PGM5: variants seen among roughly 807,000 people sequenced by gnomAD.
The protein encoded by PGM5 is phosphoglucomutase-like protein 5.
In PGM5, 23 loss-of-function variants were observed where a neutral mutation model predicts 59.2. That is an observed-to-expected ratio of 0.39 (90% CI 0.28 to 0.55). The LOEUF (loss-of-function observed/expected upper bound fraction) is 0.55, where lower values mean the gene tolerates loss of function less well. PGM5 is among the 20% of genes least tolerant of loss of function. The probability of loss-of-function intolerance (pLI) is 0.66; values close to 1 mark genes in which losing one functional copy is unlikely to be tolerated. For missense variants in PGM5, 574 were observed against 748.3 expected, an observed-to-expected ratio of 0.77 and a Z score of 2.72; for synonymous variants, 214 against 286.0, an observed-to-expected ratio of 0.75 and a Z score of 2.54.
intron 6 of PGM5, among the ~76,000 whole-genome samples, chr9:68,435,279 C>G (rs1823426859): frequency 6.6e-6 from 1 of 152,190 alleles, no homozygotes; most frequent in South Asian, 2.1e-4. Context: ...ATAATTCACA[C>G]ACCATACAGT....
In PGM5 at chr9:68,398,850, G is replaced by C. The variant is rs549210966; in HGVS notation, c.1043+6377G>C. 2.2e-4 allele frequency among the ~76,000 whole-genome samples: 33 copies of C among 152,208 alleles called. 1 individual carries two copies. The East Asian group carries it at 6.0e-3, about 28-fold the overall frequency. ...CCCTCTTTTTTGGACCTCAGGCATA[G>C]AGAGTTGAGTTAATCATACTCATCG... On this transcript the variant is annotated intron_variant, in intron 6 of 10. Coordinates refer to ENST00000396396, the MANE Select transcript of PGM5 (RefSeq NM_021965.4).
At chr9:68,495,871 G>A (rs558484015) in intron 9 of PGM5, among the ~76,000 whole-genome samples, 5 of 152,318 alleles carry the variant, frequency 3.3e-5, no homozygotes, top group East Asian at 3.9e-4. Context: ...TGTGAATAAT[G>A]TAATGCCTTA....
intron 6 of PGM5, among the ~76,000 whole-genome samples, chr9:68,402,654 A>G: frequency 6.6e-6 from 1 of 152,218 alleles, no homozygotes; most frequent in African/African-American, 2.4e-5. Flanking sequence ...TATAAAAGAT[A>G]TAAGGAAGGT....
intron 6 of PGM5, among the ~76,000 whole-genome samples, chr9:68,408,566 C>T (rs1449705850): frequency 6.6e-6 from 1 of 152,194 alleles, no homozygotes; most frequent in Non-Finnish European, 1.5e-5. Context: ...TGTGCAGAAG[C>T]TCTTTAGTTG....
chr9:68,492,619 G>C (rs535866446), intron 9 of PGM5, among the ~76,000 whole-genome samples: 2 of 152,186 alleles, frequency 1.3e-5, no homozygotes, highest in Non-Finnish European at 2.9e-5. Context: ...CAAGCCAGCC[G>C]AAGGAAGGAT....
intron 9 of PGM5, among the ~76,000 whole-genome samples, chr9:68,491,796 G>T (rs1824395513): frequency 6.6e-6 from 1 of 152,180 alleles, no homozygotes; most frequent in Non-Finnish European, 1.5e-5. Context: ...GAGTCCAGGA[G>T]TCCAAGATCA....
At chr9:68,489,377 C>A (rs568392585) in intron 9 of PGM5, among the ~76,000 whole-genome samples, 14 of 152,150 alleles carry the variant, frequency 9.2e-5, no homozygotes, top group Non-Finnish European at 1.6e-4. Context: ...ACTTCAGGAG[C>A]AAAATTTAAG....
chr9:68,516,636 G>C (rs2132116326), intron 10 of PGM5, among the ~76,000 whole-genome samples: 1 of 152,302 alleles, frequency 6.6e-6, no homozygotes, highest in Middle Eastern at 3.4e-3. Context: ...TGAGGTCCCT[G>C]CCTGGGCCTT....
chr9:68,359,767 G>A (rs573819133), intron 1 of PGM5, among the ~76,000 whole-genome samples: 7 of 152,306 alleles, frequency 4.6e-5, no homozygotes, highest in African/African-American at 1.4e-4. Flanking sequence ...TAACCAGTGG[G>A]CTGCATTCTC....
intron 6 of PGM5, among the ~76,000 whole-genome samples, chr9:68,403,303 T>G (rs1822716193): frequency 6.6e-6 from 1 of 152,172 alleles, no homozygotes; most frequent in Non-Finnish European, 1.5e-5. Flanking sequence ...CCATCTAGTT[T>G]CAGGAAAACA....
chr9:68,411,036 A>T (rs1218871481), intron 6 of PGM5, among the ~76,000 whole-genome samples: 1 of 152,182 alleles, frequency 6.6e-6, no homozygotes, highest in African/African-American at 2.4e-5. Flanking sequence ...TATGGCAGAA[A>T]AAAGACTGCC....
At chr9:68,453,239 G>C (rs542998538) in intron 6 of PGM5, among the ~76,000 whole-genome samples, 47 of 152,224 alleles carry the variant, frequency 3.1e-4, no homozygotes, top group African/African-American at 1.1e-3. Context: ...CACTGGACTT[G>C]GTAAATTAAC....
At chr9:68,496,070 G>T (rs1824477994) in intron 9 of PGM5, among the ~76,000 whole-genome samples, 1 of 152,016 alleles carries the variant, frequency 6.6e-6, no homozygotes, top group Non-Finnish European at 1.5e-5. Context: ...TAGGTGGCAG[G>T]TCAACTTCTT....
Position 68,480,704 on chromosome 9 carries a change from AAAAAACAAAAC to A in PGM5, c.1295+1156_1295+1166del, listed in dbSNP as rs1402215582. Among the ~76,000 whole-genome samples, 5 of 152,060 alleles carry A rather than the reference AAAAAACAAAAC, an allele frequency of 3.3e-5. No homozygotes were observed. In the East Asian group the frequency reaches 9.6e-4, roughly 29 times the overall value. On this transcript the variant is annotated intron_variant, in intron 8 of 10. Coordinates refer to ENST00000396396, the MANE Select transcript of PGM5 (RefSeq NM_021965.4). ...ACAGAGTGAGACTCCATCTCAAAAA[AAAAAACAAAAC>A]AAAACAAAACAAAAAAACAGGGAAA...
At chr9:68,454,169 TA>T (rs1279653473) in intron 6 of PGM5, among the ~76,000 whole-genome samples, 2 of 152,156 alleles carry the variant, frequency 1.3e-5, no homozygotes, top group African/African-American at 4.8e-5. Context: ...TCTCTCCCTA[TA>T]GGATTTCCAT....
intron 9 of PGM5, among the ~76,000 whole-genome samples, chr9:68,494,552 A>G (rs1554688053): frequency 1.3e-5 from 2 of 152,220 alleles, no homozygotes; most frequent in African/African-American, 4.8e-5. Flanking sequence ...AACACCCCAA[A>G]AGAATTAAAT....
intron 10 of PGM5, among the ~76,000 whole-genome samples, chr9:68,518,174 C>A (rs971009117): frequency 2.9e-4 from 44 of 152,160 alleles, no homozygotes; most frequent in African/African-American, 1.1e-3. Context: ...CTTAACAATC[C>A]CTGCTCTAGG....
At chr9:68,480,966 A>G (rs1824188593) in intron 8 of PGM5, among the ~76,000 whole-genome samples, 1 of 152,214 alleles carries the variant, frequency 6.6e-6, no homozygotes, top group Admixed American at 6.5e-5. Context: ...GTAGGAAACG[A>G]TGTTAACTGT....
rs1275733214 is a variant in PGM5, at chr9:68,378,818, G to A, written c.424+457G>A. 2.6e-5 allele frequency among the ~76,000 whole-genome samples: 4 copies of A among 151,774 alleles called. No homozygotes were observed. In the East Asian group the frequency reaches 7.8e-4, roughly 29 times the overall value. On this transcript the variant is annotated intron_variant, in intron 2 of 10. Coordinates refer to ENST00000396396, the MANE Select transcript of PGM5 (RefSeq NM_021965.4). ...GTGTTGACTTTCTCTCAAAATCATA[G>A]AATTGTTTCACTTTTTCTTATATTC...
Sources: allele counts gnomAD v4.1 joint callset (sites outside exome capture counted in the v4.1 genomes callset), GRCh38; gene constraint gnomAD v4.1.1; transcripts MANE v1.5; gene names NCBI Gene and HGNC (gene_info 2026-07-23, HGNC 2026-07-21).